PPP1R14C: variants seen among roughly 807,000 people sequenced by gnomAD.
PPP1R14C encodes protein phosphatase 1 regulatory inhibitor subunit 14C.
A neutral mutation model predicts 20.4 loss-of-function variants in PPP1R14C; 16 were observed. The observed-to-expected ratio is 0.78, with a 90% CI of 0.53 to 1.19. The LOEUF is 1.19. PPP1R14C is among the 50% of genes most tolerant of loss of function. The probability of loss-of-function intolerance (pLI) is 0.00; values close to 1 mark genes in which losing one functional copy is unlikely to be tolerated. For missense variants in PPP1R14C, 211 were observed against 220.1 expected (o/e 0.96, Z 0.26); for synonymous variants, 91 against 91.0 (o/e 1.00, Z 0.00).
rs527778298 is a variant in PPP1R14C at position 150,201,390 on chromosome 6, T to G, written c.307-13354T>G. On this transcript the variant is annotated intron_variant, in intron 1 of 3. Transcript: ENST00000361131. This position sits in a 1 kb window ranked among gnomAD's most constrained non-coding sequence, Gnocchi z 4.2. ...GAAGACATTTTGCTTTAGGAAGTGA[T>G]GGCTGACACGAGATAACAAGAAGAG... 6.6e-4 allele frequency among the ~76,000 whole-genome samples: 100 copies of G among 152,298 alleles called. No homozygotes were observed. The highest frequency in any genetic ancestry group is 2.3e-3 in the African/African-American group (95 of 41,550).
At chr6:150,222,370 C>T (rs1367523536) in intron 3 of PPP1R14C, among the ~76,000 whole-genome samples, 1 of 152,296 alleles carries the variant, frequency 6.6e-6, no homozygotes, top group East Asian at 1.9e-4. Context: ...ATCCACCTCA[C>T]ACATGTACAC....
At chr6:150,190,787 CAG>C (rs376698498) in intron 1 of PPP1R14C, among the ~76,000 whole-genome samples, 20 of 152,272 alleles carry the variant, frequency 1.3e-4, no homozygotes, top group South Asian at 1.0e-3. Flanking sequence ...AAAATAGACC[CAG>C]AGTCTGTCCT....
At position 150,248,786 on chromosome 6, in the gene PPP1R14C, G is replaced by A; in HGVS notation, c.464G>A (p.Arg155Lys). ...CTGCTTTCTCGGATAAGAGGCATGA[G>A]GAAACTGAGCCCTCCGCAGAAGAAG... is the stretch of plus-strand genomic sequence containing the variant. ...KELLSRIRGM[R>K]KLSPPQKKSV The change falls in exon 4 of 4, where the codon AGG becomes AAG. Residue 155 changes from arginine (R) to lysine (K), a missense_variant. Arg to Lys is a conservative substitution (Grantham distance 26). Coordinates refer to ENST00000361131, the MANE Select transcript of PPP1R14C (RefSeq NM_030949.3). 6.2e-7 allele frequency: 1 copy of A among 1,613,384 alleles called. No individual in the cohort carries two copies. Among genetic ancestry groups the A allele is most frequent in the Non-Finnish European group, 8.5e-7 (1 of 1,179,434 alleles).
rs774923228 is a variant in PPP1R14C at position 150,216,821 on chromosome 6, T to C, written c.391-3T>C. ...AACTGATTTTCTGTGTGTTTAATTCTAGGAAGCTCTTGTAGACTGCTACAA... is the reference window on the plus strand; with the variant it reads ...AACTGATTTTCTGTGTGTTTAATTCCAGGAAGCTCTTGTAGACTGCTACAA... On this transcript the variant is annotated splice_region_variant and splice_polypyrimidine_tract_variant and intron_variant, in intron 2 of 3. Transcript: ENST00000361131. 1 of 1,592,098 alleles carries C rather than the reference T, an allele frequency of 6.3e-7. No homozygotes were observed. Among genetic ancestry groups the C allele is most frequent in the Non-Finnish European group, 8.6e-7 (1 of 1,167,812 alleles).
chr6:150,153,745 G>A (rs1367519951), intron 1 of PPP1R14C, among the ~76,000 whole-genome samples: 1 of 152,156 alleles, frequency 6.6e-6, no homozygotes, highest in Admixed American at 6.5e-5. Context: ...ACCAGAACGT[G>A]GGTGGGTCTC....
intron 1 of PPP1R14C, among the ~76,000 whole-genome samples, chr6:150,144,422 C>T (rs531782509): frequency 1.3e-5 from 2 of 152,188 alleles, no homozygotes; most frequent in Admixed American, 6.6e-5. Context: ...AATGATCTCT[C>T]ATGAGCATCT....
chr6:150,209,508 GTA>G (rs1206295181), intron 1 of PPP1R14C, among the ~76,000 whole-genome samples: 2 of 151,976 alleles, frequency 1.3e-5, no homozygotes, highest in Non-Finnish European at 2.9e-5. Flanking sequence ...GTATGTTTGT[GTA>G]TGTGTTTGTG....
intron 1 of PPP1R14C, among the ~76,000 whole-genome samples, chr6:150,163,111 G>T (rs1211294322): frequency 6.6e-6 from 1 of 152,168 alleles, no homozygotes. Context: ...TTTATTGTAG[G>T]CCAGGCGCGG....
chr6:150,165,720 A>G (rs190722666), intron 1 of PPP1R14C, among the ~76,000 whole-genome samples: 1 of 152,318 alleles, frequency 6.6e-6, no homozygotes, highest in African/African-American at 2.4e-5. Context: ...TGTTATAGTT[A>G]TTTAAAATTT....
intron 3 of PPP1R14C, among the ~76,000 whole-genome samples, chr6:150,244,932 A>G (rs4870392): frequency 0.097 from 14,725 of 152,124 alleles, 913 homozygotes; most frequent in African/African-American, 0.18. Context: ...AGATGCCAGT[A>G]ATGTCCATGT....
At chr6:150,152,145 A>T (rs202112622) in intron 1 of PPP1R14C, among the ~76,000 whole-genome samples, 8,698 of 77,094 alleles carry the variant, frequency 0.11, 370 homozygotes, top group East Asian at 0.31. Context: ...AAAAAAAAAA[A>T]AAGAAGTGCT....
chr6:150,159,962 G>A (rs905339204), intron 1 of PPP1R14C, among the ~76,000 whole-genome samples: 1 of 152,148 alleles, frequency 6.6e-6, no homozygotes, highest in Non-Finnish European at 1.5e-5. Context: ...GACCTTGACA[G>A]TATTGTGGAG....
In PPP1R14C at chr6:150,232,871, T is replaced by C. The variant is rs1247867723; in HGVS notation, c.424-15875T>C. ...CTATTCTTGAATATTTGTATTTGACTAGAATTGCATTAAATTTATAGGTTA... is the reference window on the plus strand; with the variant it reads ...CTATTCTTGAATATTTGTATTTGACCAGAATTGCATTAAATTTATAGGTTA... On this transcript the variant is annotated intron_variant, in intron 3 of 3. Transcript: ENST00000361131. Among the ~76,000 whole-genome samples, 6 of 152,256 alleles carry C rather than the reference T, an allele frequency of 3.9e-5. No individual in the cohort carries two copies. In the South Asian group the frequency reaches 1.0e-3, roughly 26 times the overall value.
intron 1 of PPP1R14C, among the ~76,000 whole-genome samples, chr6:150,149,455 C>CTTTTTTTTTTTTTTTTTTT (rs869244401): frequency 2.3e-4 from 8 of 35,466 alleles, no homozygotes; most frequent in Admixed American, 3.2e-4. Context: ...TTTTTTTTTT[C>CTTTTTTTTTTTTTTTTTTT]TTTTTTTTTT....
chr6:150,143,093 GC>G lies in PPP1R14C; in HGVS notation c.-97del. On this transcript the variant is annotated 5_prime_UTR_variant, in exon 1 of 4. Transcript: ENST00000361131. This position sits in a 1 kb window ranked among gnomAD's most constrained non-coding sequence, Gnocchi z 5.6. Reference sequence around the variant, plus strand: ...CGCGGCGCAGAGCAGGTGCCGGGGAGCCCTTCGCATGCGGCTGCCGGGCCGG... The same window carrying G: ...CGCGGCGCAGAGCAGGTGCCGGGGAGCCTTCGCATGCGGCTGCCGGGCCGG... The G allele has an allele frequency of 8.8e-7, 1 of 1,132,026 alleles. No individual in the cohort carries two copies. The allele number at this position is 1,132,026 out of a possible 1,614,324, so 70.1% of individuals were successfully genotyped here. A position where few individuals can be genotyped will look rare whatever the true frequency, so the allele number is the denominator to read the frequency against.
Position 150,248,973 on chromosome 6 carries a change from G to A in PPP1R14C, c.*153G>A, listed in dbSNP as rs1460044184. The A allele has an allele frequency of 4.1e-6, 2 of 488,094 alleles. No individual in the cohort carries two copies. Among genetic ancestry groups the A allele is most frequent in the Admixed American group, 7.3e-5 (2 of 27,442 alleles). 30.2% of individuals were successfully genotyped at this position (488,094 alleles called of 1,614,324 possible). A position where few individuals can be genotyped will look rare whatever the true frequency, so the allele number is the denominator to read the frequency against. ...GGTGTGAAGGTGGGGGGGTCTATTAGACATTTATTCAAGAGCGTTCTTTTT... is the reference window on the plus strand; with the variant it reads ...GGTGTGAAGGTGGGGGGGTCTATTAAACATTTATTCAAGAGCGTTCTTTTT... On this transcript the variant is annotated 3_prime_UTR_variant, in exon 4 of 4. Coordinates refer to ENST00000361131, the MANE Select transcript of PPP1R14C (RefSeq NM_030949.3).
chr6:150,199,869 T>TAAA lies in PPP1R14C; in HGVS notation c.307-14863_307-14861dup, dbSNP rs11465144. 1.4e-4 allele frequency among the ~76,000 whole-genome samples: 20 copies of TAAA among 146,086 alleles called. No homozygotes were observed. In the East Asian group the frequency reaches 2.8e-3, roughly 20 times the overall value. On this transcript the variant is annotated intron_variant, in intron 1 of 3. Coordinates refer to ENST00000361131, the MANE Select transcript of PPP1R14C (RefSeq NM_030949.3). ...GGGTGACAGAGCGAGAGCCTGTCTC[T>TAAA]AAAAAAAAAAAAAATCTGTTCTTTA... is the stretch of plus-strand genomic sequence containing the variant.
rs1208969397 is a variant in PPP1R14C, at chr6:150,216,388, C to T, written c.391-436C>T. Reference sequence around the variant, plus strand: ...GTGCACACCTGTAGTCCCAGCTATTCGGAAGGCTGAGGCAGGAGAATCACT... The same window carrying T: ...GTGCACACCTGTAGTCCCAGCTATTTGGAAGGCTGAGGCAGGAGAATCACT... On this transcript the variant is annotated intron_variant, in intron 2 of 3. Coordinates refer to ENST00000361131, the MANE Select transcript of PPP1R14C (RefSeq NM_030949.3). Among the ~76,000 whole-genome samples, 6 of 151,996 alleles carry T rather than the reference C, an allele frequency of 3.9e-5. No individual in the cohort carries two copies. In the East Asian group the frequency reaches 7.7e-4, roughly 20 times the overall value.
chr6:150,183,759 G>A (rs1185255106), intron 1 of PPP1R14C, among the ~76,000 whole-genome samples: 1 of 151,954 alleles, frequency 6.6e-6, no homozygotes, highest in African/African-American at 2.4e-5. Context: ...GATCCACCCA[G>A]CCTCCCAAAA....
Sources: gnomAD v4.1 joint callset for allele counts (sites outside exome capture counted in the v4.1 genomes callset) on GRCh38, gnomAD v4.1.1 for gene constraint, Gnocchi (gnomAD v3.1) non-coding constraint, MANE v1.5 for transcripts, NCBI Gene and HGNC (gene_info 2026-07-23, HGNC 2026-07-21) for gene names.